Variants in GCNT4 observed in about 807,000 individuals in gnomAD.
GCNT4 encodes beta-1,3-galactosyl-O-glycosyl-glycoprotein beta-1,6-N-acetylglucosaminyltransferase 4.
GCNT4 carries 17 observed loss-of-function variants against 31.3 expected under a neutral mutation model. The ratio of observed to expected loss-of-function variants is 0.54; its 90% CI spans 0.37 to 0.81. The LOEUF (loss-of-function observed/expected upper bound fraction) is 0.81. Among genes scored for constraint, GCNT4 ranks in the 40% least tolerant of loss-of-function variants. The probability of loss-of-function intolerance (pLI) is 0.00; values close to 1 mark genes in which losing one functional copy is unlikely to be tolerated. For synonymous variants in GCNT4, 158 were observed against 190.6 expected (o/e 0.83, Z 1.41); for missense variants, 503 against 525.5 (o/e 0.96, Z 0.42).
chr5:75,026,616 C>T lies in GCNT4; in HGVS notation c.*2060G>A, dbSNP rs1373074223. The T allele has an allele frequency of 1.4e-5, 2 of 138,842 alleles. No individual in the cohort carries two copies. The highest frequency in any genetic ancestry group is 7.7e-5 in the Admixed American group (1 of 13,042). 8.6% of individuals were successfully genotyped at this position (138,842 alleles called of 1,614,324 possible). On this transcript the variant is annotated 3_prime_UTR_variant, in exon 4 of 4. Transcript: ENST00000652361. The stretch of plus-strand genomic sequence containing the variant: ...TCAATAGTTTGTACCTATTTTCAAA[C>T]CACTTCATATACTATTTCAATCGAT...
intron 2 of GCNT4, among the ~76,000 whole-genome samples, chr5:75,048,923 C>A (rs1743506104): frequency 6.6e-6 from 1 of 152,200 alleles, no homozygotes; most frequent in South Asian, 2.1e-4. Flanking sequence ...CTTATTAAAA[C>A]ACAAATTGCT....
intron 2 of GCNT4, among the ~76,000 whole-genome samples, chr5:75,048,421 G>C (rs77542060): frequency 3.5e-3 from 530 of 152,292 alleles, no homozygotes; most frequent in Middle Eastern, 6.8e-3. Flanking sequence ...ATGGAGAATT[G>C]TGGTTCGTGG....
Position 75,027,453 on chromosome 5 carries a change from A to G in GCNT4, c.*1223T>C, listed in dbSNP as rs1407414101. 1 of 142,806 alleles carries G rather than the reference A, an allele frequency of 7.0e-6. No individual in the cohort carries two copies. Among genetic ancestry groups the G allele is most frequent in the African/African-American group, 2.5e-5 (1 of 39,310 alleles). The allele number at this position is 142,806 out of a possible 1,614,324, so 8.8% of individuals were successfully genotyped here. ...TATATAAAATATATATTATATATAT[A>G]TATTTTTGACTCATTGGGTGGTTTT... On this transcript the variant is annotated 3_prime_UTR_variant, in exon 4 of 4. Transcript: ENST00000652361.
chr5:75,026,268 G>C lies in GCNT4; in HGVS notation c.*2408C>G, dbSNP rs370037497. 3.3e-5 allele frequency: 5 copies of C among 152,148 alleles called. No homozygotes were observed. The highest frequency in any genetic ancestry group is 6.5e-5 in the Admixed American group (1 of 15,272). The allele number at this position is 152,148 out of a possible 1,614,324, so 9.4% of individuals were successfully genotyped here. A position where few individuals can be genotyped will look rare whatever the true frequency, so the allele number is the denominator to read the frequency against. ...AGGTTATTTGTTTTTCAGCATTTACGTTTATTCTGATGAGCAAAGGCATAA... is the reference window on the plus strand; with the variant it reads ...AGGTTATTTGTTTTTCAGCATTTACCTTTATTCTGATGAGCAAAGGCATAA... On this transcript the variant is annotated 3_prime_UTR_variant, in exon 4 of 4. Transcript: ENST00000652361.
At chr5:75,040,365 T>C (rs1243061643) in intron 3 of GCNT4, among the ~76,000 whole-genome samples, 2 of 152,172 alleles carry the variant, frequency 1.3e-5, no homozygotes, top group African/African-American at 2.4e-5. Flanking sequence ...GTTTAGTACC[T>C]GTCCTGAGAC....
chr5:75,030,497 G>T (rs1743037955), intron 3 of GCNT4: 1 of 169,942 alleles, frequency 5.9e-6, no homozygotes, highest in Non-Finnish European at 1.4e-5. Flanking sequence ...ATCCAGGTCT[G>T]AAGTCAAACA....
upstream of GCNT4, among the ~76,000 whole-genome samples, chr5:75,053,092 G>A (rs955560624): frequency 5.3e-5 from 8 of 151,936 alleles, no homozygotes; most frequent in Non-Finnish European, 1.0e-4. Context: ...CGTTATCCAG[G>A]ACACGCTCCG....
At chr5:75,032,387 G>A (rs752948764) in intron 3 of GCNT4, among the ~76,000 whole-genome samples, 1 of 152,056 alleles carries the variant, frequency 6.6e-6, no homozygotes, top group African/African-American at 2.4e-5. Flanking sequence ...CAGCCTCCAC[G>A]AGTCCAAAAC....
chr5:75,017,700 G>A, the GCNT4 span, among the ~76,000 whole-genome samples: 17 of 152,108 alleles, frequency 1.1e-4, no homozygotes, highest in South Asian at 2.1e-4. Flanking sequence ...AAGACCCTCC[G>A]GAGCCAGGAC....
the GCNT4 span, among the ~76,000 whole-genome samples, chr5:75,017,733 C>T: frequency 4.6e-5 from 7 of 152,114 alleles, no homozygotes; most frequent in South Asian, 8.3e-4. Flanking sequence ...GTGACCATGC[C>T]GCACCTTCCG....
intron 3 of GCNT4, among the ~76,000 whole-genome samples, chr5:75,041,083 G>T (rs371664614): frequency 5.9e-5 from 9 of 152,240 alleles, no homozygotes; most frequent in African/African-American, 2.2e-4. Flanking sequence ...TGTTGCAAAA[G>T]CTATAAGCTT....
intron 3 of GCNT4, among the ~76,000 whole-genome samples, chr5:75,033,511 G>A (rs758175707): frequency 2.1e-4 from 32 of 152,082 alleles, no homozygotes; most frequent in South Asian, 4.1e-4. Context: ...ATATACCTTC[G>A]CCCAAGGCAT....
At chr5:75,019,235 G>A in the GCNT4 span, among the ~76,000 whole-genome samples, 1 of 152,122 alleles carries the variant, frequency 6.6e-6, no homozygotes, top group African/African-American at 2.4e-5. Flanking sequence ...TCAGACATAC[G>A]AGGATATAAT....
chr5:75,039,451 T>C (rs1743271200), intron 3 of GCNT4, among the ~76,000 whole-genome samples: 1 of 152,230 alleles, frequency 6.6e-6, no homozygotes, highest in Non-Finnish European at 1.5e-5. Flanking sequence ...TCAGTAAATC[T>C]ATGAGATAGG....
At position 75,027,832 on chromosome 5, in the gene GCNT4, T is replaced by C. The variant is rs1460181215; in HGVS notation, c.*844A>G. On this transcript the variant is annotated 3_prime_UTR_variant, in exon 4 of 4. Coordinates refer to ENST00000652361, the MANE Select transcript of GCNT4 (RefSeq NM_001366737.1). The stretch of plus-strand genomic sequence containing the variant: ...TTATGAATTGAGGACTTAGGCTTAA[T>C]GTTCTGGTGTGTGACACTTGGAGCT... The C allele has an allele frequency of 1.4e-5, 2 of 142,936 alleles. No homozygotes were observed. The highest frequency in any genetic ancestry group is 3.0e-5 in the Non-Finnish European group (2 of 67,296). The allele number at this position is 142,936 out of a possible 1,614,324, so 8.9% of individuals were successfully genotyped here.
At chr5:75,048,419 T>C (rs1181955106) in intron 2 of GCNT4, among the ~76,000 whole-genome samples, 3 of 152,166 alleles carry the variant, frequency 2.0e-5, no homozygotes, top group African/African-American at 2.4e-5. Flanking sequence ...TCATGGAGAA[T>C]TGTGGTTCGT....
intron 3 of GCNT4, among the ~76,000 whole-genome samples, chr5:75,043,931 T>C (rs1032689615): frequency 6.6e-6 from 1 of 152,198 alleles, no homozygotes; most frequent in African/African-American, 2.4e-5. Flanking sequence ...TCCATCTATA[T>C]TTAGAGGCAG....
chr5:75,026,096 T>A lies in GCNT4; in HGVS notation c.*2580A>T, dbSNP rs149227338. On this transcript the variant is annotated 3_prime_UTR_variant, in exon 4 of 4. Transcript: ENST00000652361. ...TGTTAACAGACTGAGTCCAGAGAAATGTGTGAATGTCTCGAAGGCACTTTC... is the reference window on the plus strand; with the variant it reads ...TGTTAACAGACTGAGTCCAGAGAAAAGTGTGAATGTCTCGAAGGCACTTTC... The A allele has an allele frequency of 6.6e-6, 1 of 152,278 alleles. No homozygotes were observed. Among genetic ancestry groups the A allele is most frequent in the African/African-American group, 2.4e-5 (1 of 41,562 alleles). The allele number at this position is 152,278 out of a possible 1,614,324, so 9.4% of individuals were successfully genotyped here.
chr5:75,053,795 G>T (rs1252295378), upstream of GCNT4, among the ~76,000 whole-genome samples: 2 of 152,156 alleles, frequency 1.3e-5, no homozygotes, highest in East Asian at 3.9e-4. Context: ...TTCGGACAAA[G>T]TTCTCAGGCG....
Sources: allele counts gnomAD v4.1 joint callset (sites outside exome capture counted in the v4.1 genomes callset), GRCh38; gene constraint gnomAD v4.1.1; transcripts MANE v1.5; gene names NCBI Gene and HGNC (gene_info 2026-07-23, HGNC 2026-07-21).